DENND1A: variants seen among roughly 807,000 people sequenced by gnomAD.
The protein encoded by DENND1A is DENN domain containing 1A, also known as DENN domain-containing protein 1A.
Under a neutral mutation model 113.7 loss-of-function variants are expected in DENND1A, and 51 were observed. The observed-to-expected ratio is 0.45, with a 90% CI of 0.36 to 0.57. The LOEUF (loss-of-function observed/expected upper bound fraction) is 0.57, where lower values mean the gene tolerates loss of function less well. DENND1A is among the 20% of genes least tolerant of loss of function. DENND1A has a pLI of 0.00. For missense variants in DENND1A, 1,258 were observed against 1,395.9 expected (o/e 0.90, Z 1.57); for synonymous variants, 565 against 570.8 (o/e 0.99, Z 0.14).
At chr9:123,826,690 A>G (rs1270733392) in intron 2 of DENND1A, among the ~76,000 whole-genome samples, 1 of 152,042 alleles carries the variant, frequency 6.6e-6, no homozygotes, top group Non-Finnish European at 1.5e-5. Flanking sequence ...AATTAAACCT[A>G]TTCTCCACTC....
At chr9:123,639,777 CAAAAAA>C (rs199515973) in intron 9 of DENND1A, among the ~76,000 whole-genome samples, 1 of 115,606 alleles carries the variant, frequency 8.7e-6, no homozygotes, top group African/African-American at 2.9e-5. Context: ...AACTCCATCT[CAAAAAA>C]AAAAAAAAAA....
At chr9:123,819,530 T>G (rs1473688580) in intron 2 of DENND1A, among the ~76,000 whole-genome samples, 3 of 152,172 alleles carry the variant, frequency 2.0e-5, no homozygotes, top group Admixed American at 2.0e-4. Context: ...AATATTTTAT[T>G]TTTTTATTTT....
At chr9:123,816,284 G>A (rs537915696) in intron 2 of DENND1A, among the ~76,000 whole-genome samples, 20 of 152,224 alleles carry the variant, frequency 1.3e-4, no homozygotes, top group African/African-American at 4.8e-4. Flanking sequence ...TTATAGGTAT[G>A]AGCCACCACG....
intron 5 of DENND1A, among the ~76,000 whole-genome samples, chr9:123,687,656 T>A (rs1475205149): frequency 6.6e-6 from 1 of 152,246 alleles, no homozygotes; most frequent in African/African-American, 2.4e-5. Flanking sequence ...AAGTTACCTT[T>A]AGTGACGAAG....
chr9:123,506,604 AG>A (rs1156578399), intron 13 of DENND1A, among the ~76,000 whole-genome samples: 6 of 149,984 alleles, frequency 4.0e-5, no homozygotes, highest in East Asian at 3.9e-4. Context: ...AAAAAAAAAA[AG>A]AATTATTACT....
At chr9:123,531,905 T>C (rs886784505) in intron 13 of DENND1A, among the ~76,000 whole-genome samples, 3 of 152,164 alleles carry the variant, frequency 2.0e-5, no homozygotes, top group African/African-American at 7.2e-5. Flanking sequence ...TGTGAGTATA[T>C]GGTGAAGTGG....
chr9:123,476,850 T>C (rs2049955347), intron 13 of DENND1A, among the ~76,000 whole-genome samples: 1 of 152,200 alleles, frequency 6.6e-6, no homozygotes, highest in Non-Finnish European at 1.5e-5. Context: ...TAGATTCACA[T>C]GGGCAGGATT....
intron 5 of DENND1A, among the ~76,000 whole-genome samples, chr9:123,702,062 G>T (rs971941445): frequency 6.6e-6 from 1 of 151,916 alleles, no homozygotes; most frequent in South Asian, 2.1e-4. Context: ...AATGAAATGA[G>T]AAACATAATA....
intron 1 of DENND1A, among the ~76,000 whole-genome samples, chr9:123,888,956 C>CTGTGTGTGTGTGTG (rs58270598): frequency 5.5e-4 from 72 of 131,174 alleles, no homozygotes; most frequent in Middle Eastern, 3.6e-3. Flanking sequence ...GTGCTTTAAA[C>CTGTGTGTGTGTGTG]TGTGTGTGTG....
At chr9:123,811,891 T>C (rs1342179128) in intron 2 of DENND1A, among the ~76,000 whole-genome samples, 1 of 152,210 alleles carries the variant, frequency 6.6e-6, no homozygotes, top group African/African-American at 2.4e-5. Flanking sequence ...TAATTGGACC[T>C]CTGAAATACA....
At chr9:123,710,868 TCACCATGTTG>T (rs1013142298) in intron 5 of DENND1A, among the ~76,000 whole-genome samples, 1 of 151,976 alleles carries the variant, frequency 6.6e-6, no homozygotes, top group African/African-American at 2.4e-5. Context: ...AGACAGGGTT[TCACCATGTTG>T]GCCAGGCTGG....
Position 123,381,400 on chromosome 9 carries a change from C to G in DENND1A, c.*32G>C, listed in dbSNP as rs1397943907. On this transcript the variant is annotated 3_prime_UTR_variant, in exon 24 of 24. Coordinates refer to ENST00000394215, the MANE Select transcript of DENND1A (RefSeq NM_001352964.2). This position sits in a 1 kb window ranked among gnomAD's most constrained non-coding sequence, Gnocchi z 4.7. ...CCGCAGCAGTGGACGGACCCTCGGG[C>G]CTCGGTGCATCCCCCACCCTCAGGG... The G allele has an allele frequency of 6.2e-7, 1 of 1,601,148 alleles. No homozygotes were observed. Among genetic ancestry groups the G allele is most frequent in the African/African-American group, 1.3e-5 (1 of 74,718 alleles).
At position 123,478,549 on chromosome 9, in the gene DENND1A, T is replaced by G. The variant is rs183683281; in HGVS notation, c.994-20652A>C. On this transcript the variant is annotated intron_variant, in intron 13 of 23. Coordinates refer to ENST00000394215, the MANE Select transcript of DENND1A (RefSeq NM_001352964.2). ...ATTTACTGAGTGCCTGCTACTCACG[T>G]TCAAACAGTATTTACTCTAGTTACT... 5.9e-5 allele frequency among the ~76,000 whole-genome samples: 9 copies of G among 152,346 alleles called. No homozygotes were observed. The East Asian group carries it at 1.7e-3, about 29-fold the overall frequency.
At chr9:123,828,522 C>T (rs1338019806) in intron 2 of DENND1A, among the ~76,000 whole-genome samples, 1 of 151,314 alleles carries the variant, frequency 6.6e-6, no homozygotes, top group African/African-American at 2.4e-5. Flanking sequence ...AATCAGATCC[C>T]AGATTTAAGA....
At chr9:123,779,373 C>T (rs1830908329) in intron 3 of DENND1A, among the ~76,000 whole-genome samples, 1 of 152,216 alleles carries the variant, frequency 6.6e-6, no homozygotes, top group South Asian at 2.1e-4. Flanking sequence ...CTCTCTGCGT[C>T]CTCCTCTATT....
intron 2 of DENND1A, chr9:123,843,485 T>G (rs939640825): frequency 7.7e-5 from 23 of 297,864 alleles, no homozygotes; most frequent in South Asian, 6.4e-4. Context: ...TTTGGGAGAA[T>G]AGTCTCCAGA....
Position 123,538,805 on chromosome 9 carries a change from C to CATAT in DENND1A, c.993+18764_993+18765insATAT, listed in dbSNP as rs1169598985. 2.8e-4 allele frequency among the ~76,000 whole-genome samples: 14 copies of CATAT among 50,062 alleles called. 2 individuals carry two copies. Among genetic ancestry groups the CATAT allele is most frequent in the Admixed American group, 7.1e-4 (3 of 4,220 alleles). 32.8% of individuals were successfully genotyped at this position (50,062 alleles called of 152,430 possible). On this transcript the variant is annotated intron_variant, in intron 13 of 23. Coordinates refer to ENST00000394215, the MANE Select transcript of DENND1A (RefSeq NM_001352964.2). ...GTGTATGAATCCAAAGGTGACAACT[C>CATAT]ATACATATATATATATATATATATA...
chr9:123,460,899 C>T (rs533882677), intron 13 of DENND1A, among the ~76,000 whole-genome samples: 4 of 152,358 alleles, frequency 2.6e-5, no homozygotes, highest in South Asian at 2.1e-4. Context: ...ATATGCTTCA[C>T]GCAGGCCGGA....
At chr9:123,443,847 T>A (rs115129273) in intron 18 of DENND1A, among the ~76,000 whole-genome samples, 1 of 152,248 alleles carries the variant, frequency 6.6e-6, no homozygotes, top group African/African-American at 2.4e-5. Flanking sequence ...TCCCAGCTGC[T>A]TGGGAGGCTG....
Sources: allele counts gnomAD v4.1 joint callset (sites outside exome capture counted in the v4.1 genomes callset), GRCh38; gene constraint gnomAD v4.1.1; non-coding constraint Gnocchi (gnomAD v3.1); transcripts MANE v1.5; gene names NCBI Gene and HGNC (gene_info 2026-07-23, HGNC 2026-07-21).